The following SGCD variants were observed in gnomAD, a reference collection of about 807,000 sequenced individuals.
SGCD encodes sarcoglycan delta, also known as delta-sarcoglycan.
SGCD carries 18 observed loss-of-function variants against 36.6 expected under a neutral mutation model. That is an observed-to-expected ratio of 0.49 (90% CI 0.34 to 0.73). SGCD has a LOEUF of 0.73. SGCD is among the 30% of genes least tolerant of loss of function. The probability of loss-of-function intolerance (pLI) is 0.01; values close to 1 mark genes in which losing one functional copy is unlikely to be tolerated. For synonymous variants in SGCD, 133 were observed against 130.6 expected, an observed-to-expected ratio of 1.02 and a Z score of -0.12; for missense variants, 387 against 346.7, an observed-to-expected ratio of 1.12 and a Z score of -0.92.
At chr5:156,033,160 G>A (rs767171624) in intron 1 of SGCD, among the ~76,000 whole-genome samples, 1 of 151,906 alleles carries the variant, frequency 6.6e-6, no homozygotes, top group South Asian at 2.1e-4. Context: ...TCATTCTGTG[G>A]TACTTGTTGA....
intron 3 of SGCD, among the ~76,000 whole-genome samples, chr5:156,369,285 G>A (rs1770266065): frequency 6.6e-6 from 1 of 152,170 alleles, no homozygotes; most frequent in Admixed American, 6.5e-5. Flanking sequence ...TCCCTTAAGT[G>A]TACCAGGAGC....
chr5:156,447,766 T>C (rs1312653580), intron 3 of SGCD, among the ~76,000 whole-genome samples: 1 of 152,144 alleles, frequency 6.6e-6, no homozygotes, highest in Non-Finnish European at 1.5e-5. Context: ...TGTTCACCTA[T>C]GTAACAAACC....
chr5:156,594,470 G>A (rs1760844286), intron 5 of SGCD, among the ~76,000 whole-genome samples: 1 of 152,168 alleles, frequency 6.6e-6, no homozygotes, highest in Non-Finnish European at 1.5e-5. Flanking sequence ...CAGCCAGTGG[G>A]TTAAGGGTAC....
Position 156,044,239 on chromosome 5 carries a change from C to G in SGCD, c.-281-73639C>G, listed in dbSNP as rs192502618. Among the ~76,000 whole-genome samples the G allele has an allele frequency of 4.6e-5, 7 of 152,200 alleles. No homozygotes were observed. In the East Asian group the frequency reaches 1.4e-3, roughly 29 times the overall value. ...GTAGGAGGGAGTGAAATGTTCAAGCCTAGGGCTTTGAGCACATTAGATGCT... is the reference window on the plus strand; with the variant it reads ...GTAGGAGGGAGTGAAATGTTCAAGCGTAGGGCTTTGAGCACATTAGATGCT... On this transcript the variant is annotated intron_variant, in intron 1 of 9. Coordinates refer to the SGCD transcript ENST00000517913.
At chr5:155,966,689 A>G (rs994371026) in intron 1 of SGCD, among the ~76,000 whole-genome samples, 19 of 152,112 alleles carry the variant, frequency 1.2e-4, no homozygotes, top group Admixed American at 4.6e-4. Context: ...AATGGAAGTG[A>G]TAATAATGGT....
chr5:156,448,897 C>T (rs1753869781), intron 3 of SGCD, among the ~76,000 whole-genome samples: 1 of 151,430 alleles, frequency 6.6e-6, no homozygotes, highest in African/African-American at 2.4e-5. Context: ...TGCAGGCATG[C>T]CCCAACCCCA....
In SGCD at chr5:156,595,066, A is replaced by G. The variant is rs1387577601; in HGVS notation, c.502+15A>G. ...ACGAGTTTTAGGTAAGGAAACTTGA[A>G]TCATTTAACTTGTTTGATGCTACTG... On this transcript the variant is annotated intron_variant, in intron 6 of 8. Transcript: ENST00000337851. 1 of 1,604,288 alleles carries G rather than the reference A, an allele frequency of 6.2e-7. No individual in the cohort carries two copies. Among genetic ancestry groups the G allele is most frequent in the Admixed American group, 1.7e-5 (1 of 58,536 alleles).
the SGCD span, among the ~76,000 whole-genome samples, chr5:155,809,101 A>C: frequency 6.6e-6 from 1 of 152,202 alleles, no homozygotes; most frequent in African/African-American, 2.4e-5. Context: ...TTCTCTTCAG[A>C]ACTGTTTCTG....
intron 7 of SGCD, among the ~76,000 whole-genome samples, chr5:156,697,742 TGGAC>T (rs559368172): frequency 8.1e-5 from 12 of 147,866 alleles, no homozygotes; most frequent in South Asian, 4.3e-4. Flanking sequence ...TAGTATTGGA[TGGAC>T]GGACGGATGG....
At chr5:156,689,541 C>T (rs201225920) in intron 7 of SGCD, among the ~76,000 whole-genome samples, 10 of 152,132 alleles carry the variant, frequency 6.6e-5, no homozygotes, top group East Asian at 1.9e-4. Flanking sequence ...TAAAAAATGA[C>T]GAAATTTGGA....
At chr5:156,272,107 C>T (rs959673915) in intron 3 of SGCD, among the ~76,000 whole-genome samples, 3 of 151,970 alleles carry the variant, frequency 2.0e-5, no homozygotes, top group Non-Finnish European at 4.4e-5. Context: ...TGTTAGTGCA[C>T]CCATCACTCA....
At chr5:155,956,794 AGGGCCCCCCCCCCCGGTT>A (rs1561662555) in intron 1 of SGCD, among the ~76,000 whole-genome samples, 1 of 129,654 alleles carries the variant, frequency 7.7e-6, no homozygotes, top group African/African-American at 2.8e-5. Flanking sequence ...TGTTGGACTC[AGGGCCCCCCCCCCCGGTT>A]AATCCAGGAT....
intron 1 of SGCD, among the ~76,000 whole-genome samples, chr5:155,901,840 C>A (rs140999032): frequency 1.3e-5 from 2 of 152,170 alleles, no homozygotes; most frequent in African/African-American, 2.4e-5. Context: ...AACCTTATTA[C>A]TTACCTGTAG....
At chr5:156,296,846 GA>G (rs763590631) in intron 3 of SGCD, among the ~76,000 whole-genome samples, 2 of 151,978 alleles carry the variant, frequency 1.3e-5, no homozygotes, top group Non-Finnish European at 2.9e-5. Flanking sequence ...TACTGAAGTA[GA>G]AATGTCTACT....
chr5:156,491,520 C>A (rs1561731470), intron 3 of SGCD, among the ~76,000 whole-genome samples: 2 of 152,060 alleles, frequency 1.3e-5, no homozygotes, highest in African/African-American at 4.8e-5. Flanking sequence ...AATAGAGAAT[C>A]CCAAAATGGA....
chr5:155,811,675 A>T, the SGCD span, among the ~76,000 whole-genome samples: 2,650 of 152,288 alleles, frequency 0.017, 86 homozygotes, highest in African/African-American at 0.059. Flanking sequence ...TCCCAGGTGG[A>T]TCGGCAGGTT....
chr5:155,851,084 A>G, the SGCD span, among the ~76,000 whole-genome samples: 1 of 152,154 alleles, frequency 6.6e-6, no homozygotes, highest in South Asian at 2.1e-4. Flanking sequence ...TTATGTTCCA[A>G]GTGGATGGTA....
At chr5:156,511,504 T>C (rs941173358) in intron 4 of SGCD, among the ~76,000 whole-genome samples, 1 of 152,232 alleles carries the variant, frequency 6.6e-6, no homozygotes, top group African/African-American at 2.4e-5. Flanking sequence ...GGTTTCCTGT[T>C]GCATCTGGAA....
At chr5:156,199,531 A>C (rs1253424117) in intron 3 of SGCD, among the ~76,000 whole-genome samples, 1 of 152,166 alleles carries the variant, frequency 6.6e-6, no homozygotes, top group African/African-American at 2.4e-5. Flanking sequence ...GAAGCAGTAC[A>C]GAAGAAGGAA....
Sources: gnomAD v4.1 joint callset for allele counts (sites outside exome capture counted in the v4.1 genomes callset) on GRCh38, gnomAD v4.1.1 for gene constraint, MANE v1.5 for transcripts, NCBI Gene and HGNC (gene_info 2026-07-23, HGNC 2026-07-21) for gene names.